Variants in USP19 observed in about 807,000 individuals in gnomAD.
USP19 encodes ubiquitin specific peptidase 19.
A neutral mutation model predicts 144.8 loss-of-function variants in USP19; 40 were observed. The observed-to-expected ratio is 0.28, with a 90% CI of 0.21 to 0.36. The LOEUF is 0.36. Ranked by LOEUF, USP19 falls within the 10% of genes least tolerant of loss-of-function variation. The pLI is 1.00. For missense variants in USP19, 1,518 were observed against 1,822.5 expected, an observed-to-expected ratio of 0.83 and a Z score of 3.04; for synonymous variants, 701 against 709.3, an observed-to-expected ratio of 0.99 and a Z score of 0.19.
chr3:49,116,443 C>G lies in USP19; in HGVS notation c.1283+8G>C. The G allele has an allele frequency of 6.2e-7, 1 of 1,614,172 alleles. No individual in the cohort carries two copies. The highest frequency in any genetic ancestry group is 8.5e-7 in the Non-Finnish European group (1 of 1,180,004). ...AGGCATTGTTTGCCCCATCATCTAC[C>G]CACCCACCTGGTCTGGAAGATGAGC... On this transcript the variant is annotated splice_region_variant and intron_variant, in intron 8 of 26. Coordinates refer to ENST00000417901, the MANE Select transcript of USP19 (RefSeq NM_001199161.2). The surrounding 1 kb of genome is among the most constrained non-coding windows in gnomAD (Gnocchi z 5.0).
rs901372480 is a variant in USP19 at position 49,111,657 on chromosome 3, G to C, written c.3060C>G (p.Thr1020=). ...GCCCTGTGTCCCCCTCAGCCATAGGGGTCACCAGCTGGAGCTCAGGTGGCT... is the reference window on the plus strand; with the variant it reads ...GCCCTGTGTCCCCCTCAGCCATAGGCGTCACCAGCTGGAGCTCAGGTGGCT... ...PIQPPELQLV[T]PMAEGDTGLP... Residue 1020 remains threonine (T), a synonymous_variant, in exon 21 of 27, where the codon ACC becomes ACG. Transcript: ENST00000417901. This position sits in a 1 kb window ranked among gnomAD's most constrained non-coding sequence, Gnocchi z 5.9. The C allele has an allele frequency of 1.9e-6, 3 of 1,604,468 alleles. No individual in the cohort carries two copies. The highest frequency in any genetic ancestry group is 4.5e-5 in the East Asian group (2 of 44,760).
At position 49,112,442 on chromosome 3, in the gene USP19, T is replaced by C; in HGVS notation, c.2647-40A>G. 6.2e-7 allele frequency: 1 copy of C among 1,613,812 alleles called. No individual in the cohort carries two copies. Among genetic ancestry groups the C allele is most frequent in the Non-Finnish European group, 8.5e-7 (1 of 1,179,876 alleles). ...CTGGCTCAGCAAGACCAGGAAGAAG[T>C]GCCCCACCCACCAGGGCGCTGTGCC... On this transcript the variant is annotated intron_variant, in intron 18 of 26. Transcript: ENST00000417901. The surrounding 1 kb of genome is among the most constrained non-coding windows in gnomAD (Gnocchi z 4.9).
Position 49,114,906 on chromosome 3 carries a change from C to T in USP19, c.2182-33G>A. ...GCAGAGTGGTGAGAACCAAAGAGTA[C>T]CAGGGGCTGGGATGCTCATGAGACA... On this transcript the variant is annotated intron_variant, in intron 14 of 26. Coordinates refer to ENST00000417901, the MANE Select transcript of USP19 (RefSeq NM_001199161.2). The surrounding 1 kb of genome is among the most constrained non-coding windows in gnomAD (Gnocchi z 4.5). The T allele has an allele frequency of 6.2e-7, 1 of 1,614,154 alleles. No homozygotes were observed. The highest frequency in any genetic ancestry group is 2.2e-5 in the East Asian group (1 of 44,890).
rs1286368876 is a variant in USP19 at position 49,119,055 on chromosome 3, T to G, written c.91A>C (p.Asn31His). The G allele has an allele frequency of 6.2e-7, 1 of 1,614,088 alleles. No homozygotes were observed. The highest frequency in any genetic ancestry group is 8.5e-7 in the Non-Finnish European group (1 of 1,180,036). ...TSKKKQKDRA[N>H]QESKDGDPRK... The stretch of plus-strand genomic sequence containing the variant: ...GGATCTCCATCCTTGCTCTCCTGGT[T>G]TGCTCGATCCTTCTGCTTCTTCTTA... The change falls in exon 2 of 27, where the codon AAC becomes CAC. Residue 31 changes from asparagine to histidine, a missense_variant. Transcript: ENST00000417901.
chr3:49,120,546 G>A (rs2045055603), intron 1 of USP19: 1 of 152,546 alleles, frequency 6.6e-6, no homozygotes, highest in Non-Finnish European at 1.5e-5. Context: ...CTCCCACGAA[G>A]TTGCCCTCGC....
rs375814311 is a variant in USP19 at position 49,116,298 on chromosome 3, C to T, written c.1337G>A (p.Arg446His). ...HPGCGPHTTF[R>H]WQVKLRNLIE... ...CACCCACCTGAGCTTCACCTGCCAACGGAAGGTGGTGTGGGGCCCACAGCC... is the reference window on the plus strand; with the variant it reads ...CACCCACCTGAGCTTCACCTGCCAATGGAAGGTGGTGTGGGGCCCACAGCC... The change falls in exon 9 of 27, where the codon CGT (arginine) becomes CAT (histidine). Residue 446 changes from arginine to histidine, a missense_variant. Coordinates refer to ENST00000417901, the MANE Select transcript of USP19 (RefSeq NM_001199161.2). The surrounding 1 kb of genome is among the most constrained non-coding windows in gnomAD (Gnocchi z 5.0). 6.2e-6 allele frequency: 10 copies of T among 1,613,878 alleles called. No homozygotes were observed. Among genetic ancestry groups the T allele is most frequent in the South Asian group, 5.5e-5 (5 of 91,078 alleles).
chr3:49,115,785 C>T lies in USP19; in HGVS notation c.1631G>A (p.Ser544Asn), dbSNP rs1296060897. 4 of 1,613,838 alleles carry T rather than the reference C, an allele frequency of 2.5e-6. No individual in the cohort carries two copies. The Admixed American group carries it at 5.0e-5, about 20-fold the overall frequency. ...CTCCATGGGTGTGCGGGTTGCCACA[C>T]TGTCTAGCCCTGTGTCCTCAGATCG... ...KARSEDTGLD[S>N]VATRTPMEHV... Residue 544 changes from serine (S) to asparagine (N), a missense_variant, in exon 11 of 27, where the codon AGT becomes AAT. Coordinates refer to ENST00000417901, the MANE Select transcript of USP19 (RefSeq NM_001199161.2). The surrounding 1 kb of genome is among the most constrained non-coding windows in gnomAD (Gnocchi z 6.6).
Sources: allele counts gnomAD v4.1 joint callset, GRCh38; gene constraint gnomAD v4.1.1; non-coding constraint Gnocchi (gnomAD v3.1); transcripts MANE v1.5; gene names NCBI Gene and HGNC (gene_info 2026-07-23, HGNC 2026-07-21).